Variants in CEP164 observed in about 807,000 individuals in gnomAD.
CEP164 encodes the protein centrosomal protein 164, also known as centrosomal protein of 164 kDa.
CEP164 carries 162 observed loss-of-function variants against 182.7 expected under a neutral mutation model. That is an observed-to-expected ratio of 0.89 (90% CI 0.78 to 1.01). The LOEUF (loss-of-function observed/expected upper bound fraction) is 1.01, where lower values mean the gene tolerates loss of function less well. CEP164 is among the 50% of genes least tolerant of loss of function. The probability of loss-of-function intolerance (pLI) is 0.00; values close to 1 mark genes in which losing one functional copy is unlikely to be tolerated. For synonymous variants in CEP164, 661 were observed against 690.0 expected (o/e 0.96, Z 0.66); for missense variants, 1,735 against 1,790.4 (o/e 0.97, Z 0.56).
At chr11:117,400,508 T>C (rs1275590240) in intron 27 of CEP164, among the ~76,000 whole-genome samples, 1 of 152,204 alleles carries the variant, frequency 6.6e-6, no homozygotes, top group Non-Finnish European at 1.5e-5. Flanking sequence ...AGTAGTTTTT[T>C]CTAATTCTGT....
chr11:117,368,960 TG>T (rs2041931484), intron 8 of CEP164, among the ~76,000 whole-genome samples: 1 of 152,236 alleles, frequency 6.6e-6, no homozygotes, highest in Non-Finnish European at 1.5e-5. Flanking sequence ...CACTTCTTTC[TG>T]GGACAGGGTT....
intron 4 of CEP164, 74 bp from the exon 5 acceptor site, chr11:117,351,715 CT>C: frequency 7.7e-6 from 11 of 1,427,896 alleles, no homozygotes; most frequent in South Asian, 2.5e-5. Flanking sequence ...CTCCCTTTTT[CT>C]TTTTTTCCCC....
At chr11:117,355,097 C>G in intron 5 of CEP164, 1 of 1,289,806 alleles carries the variant, frequency 7.8e-7, no homozygotes, top group Non-Finnish European at 1.0e-6. Flanking sequence ...GGGTGACACT[C>G]CCTGGCGTTT....
intron 5 of CEP164, chr11:117,356,061 A>G: frequency 1.8e-6 from 2 of 1,107,604 alleles, no homozygotes; most frequent in Non-Finnish European, 2.2e-6. Context: ...CCTGTCCTGG[A>G]TGAGGTGAAC....
Position 117,363,420 on chromosome 11 carries a change from TG to T in CEP164, c.688-8del, listed in dbSNP as rs1304697768. On this transcript the variant is annotated splice_polypyrimidine_tract_variant and splice_region_variant and intron_variant, in intron 7 of 32. Coordinates refer to ENST00000278935, the MANE Select transcript of CEP164 (RefSeq NM_014956.5). ...CAGAGTTACCACTTGTCATCATTTT[TG>T]TTTCTAGAGTGTCCACAGCTCAAGT... 13 of 1,609,320 alleles carry T rather than the reference TG, an allele frequency of 8.1e-6. No individual in the cohort carries two copies. The highest frequency in any genetic ancestry group is 1.1e-5 in the Non-Finnish European group (13 of 1,175,780).
chr11:117,392,899 T>C, intron 19 of CEP164, 105 bp from the exon 20 acceptor site: 1 of 1,521,938 alleles, frequency 6.6e-7, no homozygotes, highest in Non-Finnish European at 8.9e-7. Context: ...GTTGTGTGTG[T>C]TGGGGGAGAT....
intron 27 of CEP164, among the ~76,000 whole-genome samples, chr11:117,402,252 T>TG (rs1271731642): frequency 1.3e-5 from 2 of 150,984 alleles, no homozygotes; most frequent in Non-Finnish European, 3.0e-5. Context: ...GACAGAGTCT[T>TG]GCTCTGTCAC....
At chr11:117,402,229 T>TC (rs1361740758) in intron 27 of CEP164, among the ~76,000 whole-genome samples, 3 of 151,370 alleles carry the variant, frequency 2.0e-5, no homozygotes, top group Non-Finnish European at 4.4e-5. Context: ...TCTTGTCTTT[T>TC]TTTTTTTTTT....
At chr11:117,338,789 A>G in intron 3 of CEP164, 121 bp downstream of exon 3, 3 of 781,752 alleles carry the variant, frequency 3.8e-6, no homozygotes, top group East Asian at 5.2e-5. Context: ...TGCTTAGTAT[A>G]TTCGGGTTAG....
chr11:117,390,854 C>T lies in CEP164; in HGVS notation c.2012C>T (p.Ser671Phe). 6.2e-7 allele frequency: 1 copy of T among 1,613,756 alleles called. No homozygotes were observed. Among genetic ancestry groups the T allele is most frequent in the Non-Finnish European group, 8.5e-7 (1 of 1,179,964 alleles). Residue 671 changes from serine to phenylalanine, a missense_variant, in exon 16 of 33, where the codon TCC (serine) becomes TTC (phenylalanine). Ser to Phe is a radical substitution (Grantham distance 155, BLOSUM62 -2). Transcript: ENST00000278935. The stretch of plus-strand genomic sequence containing the variant: ...AGAGAGGAGGAAAGCCAGAGGCTAT[C>T]CTGGCTCCGAGCTCAGGTCCAGTCC... Reference protein sequence around the residue: ...RMREEESQRLSWLRAQVQSST... With the variant: ...RMREEESQRLFWLRAQVQSST...
chr11:117,376,716 T>TA (rs1294489320), intron 11 of CEP164, among the ~76,000 whole-genome samples: 1 of 152,224 alleles, frequency 6.6e-6, no homozygotes, highest in South Asian at 2.1e-4. Flanking sequence ...CTCTGGCTGA[T>TA]AAAACCTTTC....
Position 117,355,274 on chromosome 11 carries a change from A to G in CEP164, c.393+3286A>G, listed in dbSNP as rs1024885973. The G allele has an allele frequency of 6.2e-6, 8 of 1,289,716 alleles. No homozygotes were observed. The Admixed American group carries it at 1.1e-4, about 19-fold the overall frequency. The allele number at this position is 1,289,716 out of a possible 1,614,324, so 79.9% of individuals were successfully genotyped here. ...GGAGAAACTCCAGAAGGCGACAGAG[A>G]AAATCTACCTGGGGTTTTCAGATCC... is the stretch of plus-strand genomic sequence containing the variant. On this transcript the variant is annotated intron_variant, in intron 5 of 32. Coordinates refer to ENST00000278935, the MANE Select transcript of CEP164 (RefSeq NM_014956.5).
At chr11:117,375,919 T>A in intron 11 of CEP164, 128 bp downstream of exon 11, 1 of 753,512 alleles carries the variant, frequency 1.3e-6, no homozygotes, top group Non-Finnish European at 2.3e-6. Flanking sequence ...TCTAATTCAT[T>A]AAGGCATGGT....
At chr11:117,350,701 T>G (rs935506057) in intron 4 of CEP164, among the ~76,000 whole-genome samples, 1 of 152,190 alleles carries the variant, frequency 6.6e-6, no homozygotes, top group African/African-American at 2.4e-5. Flanking sequence ...ATTTATATAT[T>G]AATTTTGGGA....
At chr11:117,397,017 G>A (rs2045566752) in intron 26 of CEP164, 74 bp from the exon 27 acceptor site, 2 of 1,368,824 alleles carry the variant, frequency 1.5e-6, no homozygotes, top group South Asian at 1.4e-5. Context: ...GGCATCTGCT[G>A]GGGAAGGGGC....
At position 117,338,436 on chromosome 11, in the gene CEP164, G is replaced by A. The variant is rs1179662480; in HGVS notation, c.-21-130G>A. On this transcript the variant is annotated intron_variant, in intron 2 of 32. Coordinates refer to ENST00000278935, the MANE Select transcript of CEP164 (RefSeq NM_014956.5). ...TCACCCTCCACTATACCTGGCGCCT[G>A]GGAAGGCCCTGGCCAAATTGCTCTG... 4.5e-6 allele frequency: 3 copies of A among 661,830 alleles called. No individual in the cohort carries two copies. The African/African-American group carries it at 5.4e-5, about 12-fold the overall frequency. 41.0% of individuals were successfully genotyped at this position (661,830 alleles called of 1,614,324 possible).
In CEP164 at chr11:117,374,610, A is replaced by G. The variant is rs147730724; in HGVS notation, c.1233+779A>G. On this transcript the variant is annotated intron_variant, in intron 10 of 32. Transcript: ENST00000278935. ...TAAGTGAAGTAGAACTCAAACTGAA[A>G]GGAAAATGTCACCAAAAAAGAAGAA... is the stretch of plus-strand genomic sequence containing the variant. Among the ~76,000 whole-genome samples the G allele has an allele frequency of 3.3e-4, 50 of 152,346 alleles. No individual in the cohort carries two copies. The East Asian group carries it at 8.7e-3, about 26-fold the overall frequency.
intron 26 of CEP164, 78 bp downstream of exon 26, chr11:117,396,689 G>A (rs1273470833): frequency 1.5e-5 from 18 of 1,175,214 alleles, no homozygotes; most frequent in Non-Finnish European, 2.2e-5. Flanking sequence ...ATAGAGCTGG[G>A]GTGAGCTGAA....
intron 11 of CEP164, among the ~76,000 whole-genome samples, chr11:117,377,094 T>C (rs2042828694): frequency 6.6e-6 from 1 of 152,194 alleles, no homozygotes; most frequent in Non-Finnish European, 1.5e-5. Context: ...AAGTGCAGCC[T>C]CCTGAGGTGG....
Sources: gnomAD v4.1 joint callset for allele counts (sites outside exome capture counted in the v4.1 genomes callset) on GRCh38, gnomAD v4.1.1 for gene constraint, MANE v1.5 for transcripts, NCBI Gene and HGNC (gene_info 2026-07-23, HGNC 2026-07-21) for gene names.